Variants in GPHN observed in about 807,000 individuals in gnomAD.
The protein encoded by GPHN is gephyrin.
A neutral mutation model predicts 95.5 loss-of-function variants in GPHN; 17 were observed. That is an observed-to-expected ratio of 0.18 (90% confidence interval 0.12 to 0.27). GPHN has a LOEUF of 0.27. Among genes scored for constraint, GPHN ranks in the 10% least tolerant of loss-of-function variants. The pLI, the probability that GPHN is intolerant of heterozygous loss-of-function variation, is 1.00. For synonymous variants in GPHN, 320 were observed against 322.5 expected (o/e 0.99, Z 0.08); for missense variants, 660 against 978.1 (o/e 0.67, Z 4.34).
At chr14:67,523,466 T>A in the GPHN span, among the ~76,000 whole-genome samples, 372 of 152,350 alleles carry the variant, frequency 2.4e-3, 1 homozygote, top group South Asian at 7.5e-3. Context: ...CAGGTAGGGT[T>A]ATACAGGTAG....
chr14:66,586,511 T>C (rs982786094), intron 1 of GPHN, among the ~76,000 whole-genome samples: 1 of 152,212 alleles, frequency 6.6e-6, no homozygotes, highest in Non-Finnish European at 1.5e-5. Context: ...GGCATGTGTT[T>C]GCAGTGGGTG....
At chr14:66,642,278 G>A (rs996005524) in intron 1 of GPHN, among the ~76,000 whole-genome samples, 4 of 152,178 alleles carry the variant, frequency 2.6e-5, no homozygotes, top group Non-Finnish European at 5.9e-5. Context: ...GAGCAGAGAA[G>A]TTTTTCCAGC....
chr14:67,062,703 G>A (rs1322401142), intron 11 of GPHN, among the ~76,000 whole-genome samples: 1 of 152,174 alleles, frequency 6.6e-6, no homozygotes, highest in East Asian at 1.9e-4. Context: ...TCTGTTGGCT[G>A]CATAAATGTC....
At chr14:67,015,802 G>A (rs1205284022) in intron 9 of GPHN, among the ~76,000 whole-genome samples, 3 of 152,136 alleles carry the variant, frequency 2.0e-5, no homozygotes, top group Non-Finnish European at 4.4e-5. Flanking sequence ...ACACACGTGT[G>A]TCTGTTTTTA....
chr14:67,019,492 T>G (rs763296059), intron 9 of GPHN, among the ~76,000 whole-genome samples: 1 of 152,208 alleles, frequency 6.6e-6, no homozygotes, highest in Admixed American at 6.5e-5. Flanking sequence ...GAATACAAAT[T>G]AGCCTGGTGA....
chr14:66,590,799 T>A (rs1881537714), intron 1 of GPHN, among the ~76,000 whole-genome samples: 1 of 152,166 alleles, frequency 6.6e-6, no homozygotes, highest in South Asian at 2.1e-4. Flanking sequence ...CCCTAACTCA[T>A]TTTTTGAGAC....
intron 5 of GPHN, among the ~76,000 whole-genome samples, chr14:66,915,148 G>C (rs1596357296): frequency 6.6e-6 from 1 of 152,246 alleles, no homozygotes; most frequent in African/African-American, 2.4e-5. Context: ...ACAGTTTTAG[G>C]TTATTTCAGA....
intron 4 of GPHN, among the ~76,000 whole-genome samples, chr14:66,852,371 G>A (rs1040020520): frequency 2.6e-5 from 4 of 152,146 alleles, no homozygotes; most frequent in Non-Finnish European, 4.4e-5. Flanking sequence ...AGTTGAGGAG[G>A]GAAAAAAATG....
chr14:66,853,740 C>G (rs898682988), intron 4 of GPHN, among the ~76,000 whole-genome samples: 3 of 152,190 alleles, frequency 2.0e-5, no homozygotes, highest in African/African-American at 7.2e-5. Context: ...CCATATCATA[C>G]TATAATGGCA....
chr14:67,657,905 C>G, the GPHN span, among the ~76,000 whole-genome samples: 2 of 152,114 alleles, frequency 1.3e-5, no homozygotes, highest in African/African-American at 4.8e-5. Flanking sequence ...CCCGCCACCA[C>G]GCCCAGCTAA....
chr14:67,147,973 A>G lies in GPHN; in HGVS notation c.1836+4524A>G, dbSNP rs185554822. ...AGAGGCCCTCTAGGAAATTTTAAAG[A>G]TGAGTTTTGGTAAGAAAAGCACATT... On this transcript the variant is annotated intron_variant, in intron 18 of 22. Coordinates refer to ENST00000478722, the MANE Select transcript of GPHN (RefSeq NM_020806.5). Among the ~76,000 whole-genome samples, 151 of 152,306 alleles carry G rather than the reference A, an allele frequency of 9.9e-4. 1 individual carries two copies. The Middle Eastern group carries it at 0.017, about 17-fold the overall frequency.
At chr14:66,853,918 G>A (rs1335577226) in intron 4 of GPHN, among the ~76,000 whole-genome samples, 1 of 152,134 alleles carries the variant, frequency 6.6e-6, no homozygotes, top group Non-Finnish European at 1.5e-5. Context: ...AGAAGCAAGA[G>A]TTCTTTTTCT....
the GPHN span, among the ~76,000 whole-genome samples, chr14:67,715,929 C>A: frequency 1.3e-5 from 2 of 152,226 alleles, no homozygotes; most frequent in African/African-American, 4.8e-5. Context: ...GGGGCAGTGG[C>A]TTACGCCTGT....
At chr14:67,661,938 T>C in the GPHN span, among the ~76,000 whole-genome samples, 7 of 151,794 alleles carry the variant, frequency 4.6e-5, no homozygotes. Context: ...GGGCAGATCA[T>C]GAGGTCAGGA....
chr14:67,141,061 A>G (rs2080428232), intron 17 of GPHN, among the ~76,000 whole-genome samples: 1 of 152,134 alleles, frequency 6.6e-6, no homozygotes, highest in Non-Finnish European at 1.5e-5. Context: ...CTGCCTATGC[A>G]ATGACTGACT....
the GPHN span, among the ~76,000 whole-genome samples, chr14:67,417,126 C>T: frequency 6.6e-6 from 1 of 152,222 alleles, no homozygotes; most frequent in African/African-American, 2.4e-5. Flanking sequence ...CACTCTTGAA[C>T]AGCACTGCTC....
intron 20 of GPHN, 114 bp downstream of exon 20, chr14:67,165,340 CT>C: frequency 1.4e-6 from 1 of 716,210 alleles, no homozygotes; most frequent in Non-Finnish European, 2.5e-6. Context: ...CAAGTCTCAG[CT>C]TTTCTAAACG....
intron 2 of GPHN, among the ~76,000 whole-genome samples, chr14:66,704,361 C>T (rs914806067): frequency 3.9e-5 from 6 of 151,976 alleles, no homozygotes; most frequent in Non-Finnish European, 7.4e-5. Flanking sequence ...ACAGAATATA[C>T]GTTCATCTCG....
chr14:66,803,670 T>C (rs1043094168), intron 3 of GPHN, among the ~76,000 whole-genome samples: 3 of 152,168 alleles, frequency 2.0e-5, no homozygotes, highest in Non-Finnish European at 4.4e-5. Flanking sequence ...GTTTTGTGGC[T>C]TTTTATATTT....
Sources: allele counts gnomAD v4.1 joint callset (sites outside exome capture counted in the v4.1 genomes callset), GRCh38; gene constraint gnomAD v4.1.1; transcripts MANE v1.5; gene names NCBI Gene and HGNC (gene_info 2026-07-23, HGNC 2026-07-21).